The following COQ9 variants were observed in gnomAD, a reference collection of about 807,000 sequenced individuals.
The protein encoded by COQ9 is coenzyme Q9.
Under a neutral mutation model 42.4 loss-of-function variants are expected in COQ9, and 35 were observed. The ratio of observed to expected loss-of-function variants is 0.83; its 90% confidence interval spans 0.63 to 1.10. COQ9 has a LOEUF of 1.10. COQ9 is among the 50% of genes least tolerant of loss of function. The pLI, the probability that COQ9 is intolerant of heterozygous loss-of-function variation, is 0.00. For synonymous variants in COQ9, 155 were observed against 155.1 expected (o/e 1.00, Z 0.00); for missense variants, 406 against 414.6 (o/e 0.98, Z 0.18).
chr16:57,450,970 T>C (rs536762607), intron 1 of COQ9, 70 bp from the exon 2 acceptor site: 40 of 1,550,562 alleles, frequency 2.6e-5, no homozygotes, highest in Non-Finnish European at 3.2e-5. Flanking sequence ...CCTCCTTATC[T>C]GTGTTACCAC....
chr16:57,461,099 T>G lies in COQ9; in HGVS notation c.*475T>G, dbSNP rs773067298. 1 of 452,596 alleles carries G rather than the reference T, an allele frequency of 2.2e-6. No individual in the cohort carries two copies. The highest frequency in any genetic ancestry group is 4.4e-6 in the Non-Finnish European group (1 of 225,804). 28.0% of individuals were successfully genotyped at this position (452,596 alleles called of 1,614,324 possible). On this transcript the variant is annotated 3_prime_UTR_variant, in exon 9 of 9. Transcript: ENST00000262507. ...TCCTTGCAGCCCCCTCCCTCTCAGG[T>G]GTCCTGAGATGCTGTTCCTGGGAGC...
rs377307935 is a variant in COQ9 at position 57,452,895 on chromosome 16, G to A, written c.337G>A (p.Ala113Thr). 556 of 1,613,802 alleles carry A rather than the reference G, an allele frequency of 3.4e-4. 6 individuals carry two copies. The South Asian group carries it at 5.6e-3, about 16-fold the overall frequency. The stretch of plus-strand genomic sequence containing the variant: ...GACGGCAGCCCTTGAGTTTGTGCCC[G>A]CCCACGGGTGGACAGCAGAGGCGAT... ...ILTAALEFVP[A>T]HGWTAEAIAE... Residue 113 changes from alanine (A) to threonine (T), a missense_variant, in exon 3 of 9, where the codon GCC (alanine) becomes ACC (threonine). By Grantham distance (58) the Ala-to-Thr change is moderately conservative. Transcript: ENST00000262507.
At chr16:57,450,253 A>G (rs769794410) in intron 1 of COQ9, among the ~76,000 whole-genome samples, 8 of 152,090 alleles carry the variant, frequency 5.3e-5, no homozygotes, top group Non-Finnish European at 1.0e-4. Context: ...GTCTCTACTA[A>G]AAATACAAAA....
chr16:57,460,577 T>G lies in COQ9; in HGVS notation c.922-12T>G, dbSNP rs761899074. The G allele has an allele frequency of 3.1e-6, 5 of 1,613,790 alleles. No homozygotes were observed. In the South Asian group the frequency reaches 5.5e-5, roughly 18 times the overall value. On this transcript the variant is annotated splice_polypyrimidine_tract_variant and intron_variant, in intron 8 of 8. Transcript: ENST00000262507. Reference sequence around the variant, plus strand: ...GCCCTCACTATTCTCTTTATTTCCATTCCCGTGTCAGCTCAAGAACTTGAC... The same window carrying G: ...GCCCTCACTATTCTCTTTATTTCCAGTCCCGTGTCAGCTCAAGAACTTGAC...
At chr16:57,449,833 T>A (rs1455534353) in intron 1 of COQ9, among the ~76,000 whole-genome samples, 1 of 152,166 alleles carries the variant, frequency 6.6e-6, no homozygotes, top group Non-Finnish European at 1.5e-5. Flanking sequence ...AGTAATGTTC[T>A]CTGTTTAGAT....
intron 8 of COQ9, 27 bp downstream of exon 8, chr16:57,460,131 C>T (rs746487889): frequency 1.2e-6 from 2 of 1,612,140 alleles, no homozygotes; most frequent in Non-Finnish European, 8.5e-7. Context: ...ACATCCCTGC[C>T]CCTCCTCTCT....
chr16:57,450,680 T>C (rs903656963), intron 1 of COQ9: 1 of 332,782 alleles, frequency 3.0e-6, no homozygotes, highest in African/African-American at 2.1e-5. Flanking sequence ...CAAGCCACTT[T>C]TACTTTTTGT....
At position 57,459,748 on chromosome 16, in the gene COQ9, C is replaced by T. The variant is rs771551628; in HGVS notation, c.867+28C>T. 6.8e-6 allele frequency: 11 copies of T among 1,613,082 alleles called. No homozygotes were observed. In the African/African-American group the frequency reaches 1.2e-4, roughly 18 times the overall value. On this transcript the variant is annotated intron_variant, in intron 7 of 8. Coordinates refer to ENST00000262507, the MANE Select transcript of COQ9 (RefSeq NM_020312.4). ...AGGTGGGGACTAGCCATTGGGGAACCCTCTTTAGAAGGCATACCTATTCTC... is the reference window on the plus strand; with the variant it reads ...AGGTGGGGACTAGCCATTGGGGAACTCTCTTTAGAAGGCATACCTATTCTC...
At chr16:57,457,458 G>GT (rs1465252167) in intron 5 of COQ9, 2 of 310,058 alleles carry the variant, frequency 6.5e-6, no homozygotes, top group South Asian at 2.9e-5. Flanking sequence ...GTTGCAAGGG[G>GT]TTTTTTCACC....
chr16:57,455,768 T>C (rs1459195095), intron 3 of COQ9, among the ~76,000 whole-genome samples: 1 of 151,966 alleles, frequency 6.6e-6, no homozygotes, highest in Non-Finnish European at 1.5e-5. Context: ...TTGGACATGA[T>C]TGAACACAAA....
At chr16:57,450,412 CAA>C (rs59815351) in intron 1 of COQ9, among the ~76,000 whole-genome samples, 30 of 92,446 alleles carry the variant, frequency 3.2e-4, no homozygotes, top group Non-Finnish European at 3.7e-4. Context: ...GAGACTCTGA[CAA>C]AAAAAAAAAA....
At chr16:57,453,063 T>A in intron 3 of COQ9, 127 bp downstream of exon 3, 2 of 1,288,178 alleles carry the variant, frequency 1.6e-6, no homozygotes, top group Non-Finnish European at 2.2e-6. Context: ...CAAGATTGAC[T>A]GGTTTTTTTC....
intron 1 of COQ9, chr16:57,447,834 C>T (rs187581221): frequency 1.5e-4 from 54 of 369,510 alleles, no homozygotes; most frequent in Non-Finnish European, 2.0e-4. Context: ...AGAGAGGGCT[C>T]GGGGTACGAA....
intron 1 of COQ9, among the ~76,000 whole-genome samples, chr16:57,448,189 C>T (rs572602709): frequency 1.3e-5 from 2 of 152,320 alleles, no homozygotes; most frequent in Admixed American, 1.3e-4. Context: ...ACCTGTATTT[C>T]ACCTAAAATC....
At chr16:57,457,841 G>C (rs779435941) in intron 5 of COQ9, among the ~76,000 whole-genome samples, 12 of 152,228 alleles carry the variant, frequency 7.9e-5, no homozygotes, top group Non-Finnish European at 1.5e-4. Context: ...CCCAGTGGAT[G>C]TAGCATTGGT....
At chr16:57,448,802 G>T (rs571690284) in intron 1 of COQ9, among the ~76,000 whole-genome samples, 3 of 151,964 alleles carry the variant, frequency 2.0e-5, no homozygotes, top group East Asian at 3.9e-4. Flanking sequence ...AGAAATGAAG[G>T]TATGTGTCTA....
At chr16:57,455,729 T>G (rs1598038428) in intron 3 of COQ9, among the ~76,000 whole-genome samples, 1 of 151,574 alleles carries the variant, frequency 6.6e-6, no homozygotes, top group African/African-American at 2.4e-5. Context: ...AGAACTAGGG[T>G]GCACCAAGCA....
chr16:57,457,264 G>T (rs2030428444), intron 5 of COQ9: 1 of 575,258 alleles, frequency 1.7e-6, no homozygotes, highest in Admixed American at 2.2e-5. Context: ...CATCCTGGGT[G>T]GGGTTCTCCT....
At chr16:57,455,711 C>T (rs1027798397) in intron 3 of COQ9, among the ~76,000 whole-genome samples, 3 of 151,790 alleles carry the variant, frequency 2.0e-5, no homozygotes, top group East Asian at 3.9e-4. Flanking sequence ...CGTTTGGCTG[C>T]GAGGGGTAGA....
Sources: gnomAD v4.1 joint callset for allele counts (sites outside exome capture counted in the v4.1 genomes callset) on GRCh38, gnomAD v4.1.1 for gene constraint, MANE v1.5 for transcripts, NCBI Gene and HGNC (gene_info 2026-07-23, HGNC 2026-07-21) for gene names.